The following UBE2U variants were observed in gnomAD, a reference collection of about 807,000 sequenced individuals.
UBE2U encodes ubiquitin conjugating enzyme E2 U, also known as ubiquitin-conjugating enzyme E2 U.
Under a neutral mutation model 41.2 loss-of-function variants are expected in UBE2U, and 39 were observed. That is an observed-to-expected ratio of 0.95 (90% CI 0.73 to 1.24). The LOEUF is 1.24. Among genes scored for constraint, UBE2U ranks in the 50% most tolerant of loss-of-function variants. The pLI is 0.00. For synonymous variants in UBE2U, 107 were observed against 117.8 expected (o/e 0.91, Z 0.60); for missense variants, 336 against 363.1 (o/e 0.93, Z 0.61).
chr1:64,216,155 C>T (rs1445709288), intron 5 of UBE2U, among the ~76,000 whole-genome samples: 1 of 152,126 alleles, frequency 6.6e-6, no homozygotes, highest in Non-Finnish European at 1.5e-5. Flanking sequence ...GGGTCTGATA[C>T]AAATCAAATG....
intron 6 of UBE2U, among the ~76,000 whole-genome samples, chr1:64,229,122 G>T (rs1371352373): frequency 6.6e-6 from 1 of 151,920 alleles, no homozygotes; most frequent in African/African-American, 2.4e-5. Context: ...GCTTCCCAAA[G>T]TGCTCAGATT....
intron 8 of UBE2U, among the ~76,000 whole-genome samples, chr1:64,249,061 G>A (rs1289319936): frequency 6.6e-6 from 1 of 152,076 alleles, no homozygotes. Flanking sequence ...AATTTACAAT[G>A]TCCAGCAACC....
chr1:64,241,578 AT>A, intron 7 of UBE2U, 73 bp from the exon 8 acceptor site: 5 of 1,074,028 alleles, frequency 4.7e-6, no homozygotes, highest in Non-Finnish European at 6.8e-6. Flanking sequence ...GAAGTGAATG[AT>A]TTTTAACTTT....
chr1:64,244,312 T>C lies in UBE2U; in HGVS notation c.677+2579T>C, dbSNP rs950781860. 47 of 1,022,520 alleles carry C rather than the reference T, an allele frequency of 4.6e-5. No homozygotes were observed. The African/African-American group carries it at 7.6e-4, about 17-fold the overall frequency. The allele number at this position is 1,022,520 out of a possible 1,614,324, so 63.3% of individuals were successfully genotyped here. A position where few individuals can be genotyped will look rare whatever the true frequency, so the allele number is the denominator to read the frequency against. Reference sequence around the variant, plus strand: ...TATTATTTTATATATATGATTTCATTCGAGATATAAATAAAAATTATATAA... The same window carrying C: ...TATTATTTTATATATATGATTTCATCCGAGATATAAATAAAAATTATATAA... On this transcript the variant is annotated intron_variant, in intron 8 of 9. Transcript: ENST00000371077.
chr1:64,230,761 C>T (rs905798367), intron 6 of UBE2U, among the ~76,000 whole-genome samples: 3 of 152,096 alleles, frequency 2.0e-5, no homozygotes, highest in African/African-American at 7.2e-5. Flanking sequence ...CACTTTATCG[C>T]GTTAATATAT....
rs1310913080 is a variant in UBE2U, at chr1:64,204,129, C to T, written c.66+13C>T. On this transcript the variant is annotated intron_variant, in intron 1 of 9. Transcript: ENST00000371077. The stretch of plus-strand genomic sequence containing the variant: ...GAACAATTATAAGGTAAGTACTGGG[C>T]ACGTGGAGAGATGTGTTTCATTGTG... 3 of 1,608,326 alleles carry T rather than the reference C, an allele frequency of 1.9e-6. No individual in the cohort carries two copies. The highest frequency in any genetic ancestry group is 2.5e-6 in the Non-Finnish European group (3 of 1,176,544).
chr1:64,252,001 A>T (rs1039709542), intron 8 of UBE2U, among the ~76,000 whole-genome samples: 1 of 152,150 alleles, frequency 6.6e-6, no homozygotes, highest in Non-Finnish European at 1.5e-5. Context: ...GACAGAAGGG[A>T]GTTCCTGGGG....
chr1:64,238,709 T>A (rs565321583), intron 7 of UBE2U, among the ~76,000 whole-genome samples: 100 of 151,886 alleles, frequency 6.6e-4, no homozygotes, highest in African/African-American at 2.3e-3. Context: ...CAATGGCAAA[T>A]GTCATCAAGC....
chr1:64,210,709 A>T, intron 3 of UBE2U, 33 bp from the exon 4 acceptor site: 2 of 1,279,876 alleles, frequency 1.6e-6, no homozygotes, highest in Non-Finnish European at 2.1e-6. Context: ...AATTTATTAT[A>T]AATGCAAATA....
Position 64,241,713 on chromosome 1 carries a change from T to A in UBE2U, c.657T>A (p.His219Gln), listed in dbSNP as rs373767029. 2 of 1,609,462 alleles carry A rather than the reference T, an allele frequency of 1.2e-6. No homozygotes were observed. The highest frequency in any genetic ancestry group is 1.1e-5 in the South Asian group (1 of 90,264). The change falls in exon 8 of 10, where the codon CAT (histidine) becomes CAA (glutamine). Residue 219 changes from histidine (H) to glutamine (Q), a missense_variant. Transcript: ENST00000371077. ...YYKWKKMDLQHQKEWNLKYSV... is the reference protein window; with the variant it reads ...YYKWKKMDLQQQKEWNLKYSV... ...AATGGAAGAAAATGGATCTACAGCA[T>A]CAGAAAGAATGGAATTTAAAGTAAG...
At chr1:64,261,085 T>C (rs948581580) in intron 9 of UBE2U, among the ~76,000 whole-genome samples, 2 of 152,196 alleles carry the variant, frequency 1.3e-5, no homozygotes, top group African/African-American at 4.8e-5. Flanking sequence ...GAAACAATGC[T>C]GAGTTGTTTT....
chr1:64,234,506 G>A (rs1226367507), intron 7 of UBE2U, among the ~76,000 whole-genome samples: 1 of 152,028 alleles, frequency 6.6e-6, no homozygotes, highest in Admixed American at 6.6e-5. Flanking sequence ...AAGTTTTAAG[G>A]TACAAATGAG....
In UBE2U at chr1:64,220,878, G is replaced by A. The variant is rs1652402548; in HGVS notation, c.477G>A (p.Glu159=). The A allele has an allele frequency of 6.2e-7, 1 of 1,606,784 alleles. No individual in the cohort carries two copies. Among genetic ancestry groups the A allele is most frequent in the Non-Finnish European group, 8.5e-7 (1 of 1,177,878 alleles). Reference sequence around the variant, plus strand: ...TTATAGTGAAAGATGACAGCCAGGAGTTACCTAAAGACCCACGTAAATGTA... The same window carrying A: ...TTATAGTGAAAGATGACAGCCAGGAATTACCTAAAGACCCACGTAAATGTA... ...RPLQMKDDSQ[E]LPKDPRKCIR... is the part of the protein sequence containing the mutation. Residue 159 remains glutamate (E), a synonymous_variant, in exon 6 of 10, where the codon GAG becomes GAA. Coordinates refer to ENST00000371077, the MANE Select transcript of UBE2U (RefSeq NM_001366232.2).
intron 8 of UBE2U, among the ~76,000 whole-genome samples, chr1:64,252,268 G>A (rs975509512): frequency 3.9e-5 from 6 of 152,132 alleles, no homozygotes; most frequent in Non-Finnish European, 8.8e-5. Flanking sequence ...TGGAGCTCCT[G>A]AGGGGAGGGG....
At chr1:64,230,138 C>T (rs1644528217) in intron 6 of UBE2U, among the ~76,000 whole-genome samples, 1 of 152,166 alleles carries the variant, frequency 6.6e-6, no homozygotes, top group Non-Finnish European at 1.5e-5. Flanking sequence ...GCCTTCAACT[C>T]ATCTCCTCCC....
Position 64,208,828 on chromosome 1 carries a change from G to A in UBE2U, c.242-1914G>A, listed in dbSNP as rs371120936. ...GCTATATCCTTAGAATCTTCACTGC[G>A]TGGCATATAGTAGGTATTCAGATAT... On this transcript the variant is annotated intron_variant, in intron 3 of 9. Coordinates refer to ENST00000371077, the MANE Select transcript of UBE2U (RefSeq NM_001366232.2). Among the ~76,000 whole-genome samples, 5 of 152,124 alleles carry A rather than the reference G, an allele frequency of 3.3e-5. No homozygotes were observed. In the East Asian group the frequency reaches 5.8e-4, roughly 18 times the overall value.
In UBE2U at chr1:64,210,885, C is replaced by T. The variant is rs775587685; in HGVS notation, c.339+46C>T. On this transcript the variant is annotated intron_variant, in intron 4 of 9. Coordinates refer to ENST00000371077, the MANE Select transcript of UBE2U (RefSeq NM_001366232.2). ...ATCCTCTCTTTAATACTTTTAATTA[C>T]CCTAATTATTCAAACTACAAGGATT... The T allele has an allele frequency of 8.2e-6, 11 of 1,341,710 alleles. 1 individual carries two copies. The highest frequency in any genetic ancestry group is 2.1e-5 in the Admixed American group (1 of 47,368). 83.1% of individuals were successfully genotyped at this position (1,341,710 alleles called of 1,614,324 possible).
chr1:64,248,851 A>G (rs796737485), intron 8 of UBE2U, among the ~76,000 whole-genome samples: 27 of 152,284 alleles, frequency 1.8e-4, no homozygotes, highest in African/African-American at 5.8e-4. Flanking sequence ...CAAGCCTCAC[A>G]AAGAGCTGGA....
chr1:64,231,295 A>G (rs1217724421), intron 6 of UBE2U, among the ~76,000 whole-genome samples: 1 of 152,168 alleles, frequency 6.6e-6, no homozygotes, highest in Admixed American at 6.5e-5. Context: ...GTGTGTTGAC[A>G]GTTTCCTTCC....
Sources: gnomAD v4.1 joint callset for allele counts (sites outside exome capture counted in the v4.1 genomes callset) on GRCh38, gnomAD v4.1.1 for gene constraint, MANE v1.5 for transcripts, NCBI Gene and HGNC (gene_info 2026-07-23, HGNC 2026-07-21) for gene names.